The following SGIP1 variants were observed in gnomAD, a reference collection of about 807,000 sequenced individuals.
The protein encoded by SGIP1 is SH3GL interacting endocytic adaptor 1.
In SGIP1, 38 loss-of-function variants were observed where a neutral mutation model predicts 107.5. That is an observed-to-expected ratio of 0.35 (90% CI 0.27 to 0.46). The LOEUF is 0.46. Among genes scored for constraint, SGIP1 ranks in the 20% least tolerant of loss-of-function variants. The pLI is 1.00. For missense variants in SGIP1, 929 were observed against 1,019.5 expected (o/e 0.91, Z 1.21); for synonymous variants, 365 against 366.1 (o/e 1.00, Z 0.03).
intron 1 of SGIP1, among the ~76,000 whole-genome samples, chr1:66,612,594 T>C (rs2068264030): frequency 6.6e-6 from 1 of 152,260 alleles, no homozygotes; most frequent in South Asian, 2.1e-4. Flanking sequence ...ATATTAATTT[T>C]TGCTTGGGTA....
At chr1:66,679,805 C>G (rs1196533891) in intron 14 of SGIP1, 53 bp downstream of exon 14, 4 of 1,464,650 alleles carry the variant, frequency 2.7e-6, no homozygotes, top group Non-Finnish European at 3.7e-6. Context: ...GAGCAGTGGC[C>G]CCGGATGAAC....
At chr1:66,733,961 T>C in intron 21 of SGIP1, 81 bp downstream of exon 21, 2 of 1,405,090 alleles carry the variant, frequency 1.4e-6, no homozygotes, top group Non-Finnish European at 1.9e-6. Flanking sequence ...TAAAAGTAAC[T>C]AAAGTAACAC....
intron 1 of SGIP1, among the ~76,000 whole-genome samples, chr1:66,591,273 C>T (rs2063575186): frequency 6.6e-6 from 1 of 152,146 alleles, no homozygotes; most frequent in Admixed American, 6.5e-5. Flanking sequence ...CAATTGTTAA[C>T]AATAAAATTT....
At chr1:66,549,254 T>A (rs1557850681) in intron 1 of SGIP1, among the ~76,000 whole-genome samples, 2 of 152,054 alleles carry the variant, frequency 1.3e-5, no homozygotes, top group Non-Finnish European at 2.9e-5. Context: ...TTTTCCTTTT[T>A]AAGCTATCAC....
Position 66,744,847 on chromosome 1 carries a change from C to T in SGIP1, c.*1752C>T, listed in dbSNP as rs1190804844. Reference sequence around the variant, plus strand: ...AGTCTGGTGTTGAAGTTTCTTTGAACGAACTAAATATACTCATTTTATGTA... The same window carrying T: ...AGTCTGGTGTTGAAGTTTCTTTGAATGAACTAAATATACTCATTTTATGTA... On this transcript the variant is annotated 3_prime_UTR_variant, in exon 25 of 25. Transcript: ENST00000371037. The T allele has an allele frequency of 2.0e-5, 3 of 152,290 alleles. No homozygotes were observed. Among genetic ancestry groups the T allele is most frequent in the Non-Finnish European group, 2.9e-5 (2 of 67,874 alleles). 9.4% of individuals were successfully genotyped at this position (152,290 alleles called of 1,614,324 possible). A position where few individuals can be genotyped will look rare whatever the true frequency, so the allele number is the denominator to read the frequency against.
At chr1:66,545,628 T>TTGTGTGTGTGTGTGTGTG (rs769603266) in intron 1 of SGIP1, among the ~76,000 whole-genome samples, 51 of 139,038 alleles carry the variant, frequency 3.7e-4, no homozygotes, top group East Asian at 6.7e-4. Context: ...ACTGAACAAA[T>TTGTGTGTGTGTGTGTGTG]TGTGTGTGTG....
Position 66,743,227 on chromosome 1 carries a change from C to A in SGIP1, c.*132C>A, listed in dbSNP as rs1206900963. Reference sequence around the variant, plus strand: ...GATATATCAGGTGGAAAGTCAATGACTTTCATCTGTGATTTCCCTCACACA... The same window carrying A: ...GATATATCAGGTGGAAAGTCAATGAATTTCATCTGTGATTTCCCTCACACA... On this transcript the variant is annotated 3_prime_UTR_variant, in exon 25 of 25. Coordinates refer to ENST00000371037, the MANE Select transcript of SGIP1 (RefSeq NM_032291.4). 1.2e-6 allele frequency: 1 copy of A among 831,440 alleles called. No individual in the cohort carries two copies. The highest frequency in any genetic ancestry group is 1.7e-5 in the African/African-American group (1 of 59,108). The allele number at this position is 831,440 out of a possible 1,614,324, so 51.5% of individuals were successfully genotyped here.
chr1:66,720,550 G>A (rs1457820074), intron 19 of SGIP1, among the ~76,000 whole-genome samples: 3 of 152,076 alleles, frequency 2.0e-5, no homozygotes, highest in Admixed American at 1.3e-4. Context: ...AACATAGGGA[G>A]AGCCTGCCTC....
chr1:66,570,684 A>G (rs1315458588), intron 1 of SGIP1, among the ~76,000 whole-genome samples: 2 of 151,962 alleles, frequency 1.3e-5, no homozygotes, highest in African/African-American at 2.4e-5. Context: ...CTAAGGATTT[A>G]GTATTGAGCA....
At position 66,746,073 on chromosome 1, in the gene SGIP1, G is replaced by A. The variant is rs2094548763; in HGVS notation, c.*2978G>A. On this transcript the variant is annotated 3_prime_UTR_variant, in exon 25 of 25. Coordinates refer to ENST00000371037, the MANE Select transcript of SGIP1 (RefSeq NM_032291.4). Reference sequence around the variant, plus strand: ...ATAGGAATCCCTCAGTCAAACTACAGAATTTTTTTTGTTTTATATATTCTT... The same window carrying A: ...ATAGGAATCCCTCAGTCAAACTACAAAATTTTTTTTGTTTTATATATTCTT... The A allele has an allele frequency of 6.6e-6, 1 of 152,090 alleles. No homozygotes were observed. Among genetic ancestry groups the A allele is most frequent in the South Asian group, 2.1e-4 (1 of 4,834 alleles). 9.4% of individuals were successfully genotyped at this position (152,090 alleles called of 1,614,324 possible).
intron 2 of SGIP1, among the ~76,000 whole-genome samples, chr1:66,629,988 G>T (rs2073895895): frequency 6.6e-6 from 1 of 152,142 alleles, no homozygotes; most frequent in African/African-American, 2.4e-5. Context: ...GAAACAAAGG[G>T]GTGAAGTAAC....
At chr1:66,558,718 C>T (rs907559821) in intron 1 of SGIP1, among the ~76,000 whole-genome samples, 2 of 151,384 alleles carry the variant, frequency 1.3e-5, no homozygotes, top group Non-Finnish European at 2.9e-5. Context: ...GTTAGCTTAG[C>T]CTTCAGTTTG....
intron 14 of SGIP1, 85 bp downstream of exon 14, chr1:66,679,837 CTG>C: frequency 8.3e-7 from 1 of 1,211,070 alleles, no homozygotes; most frequent in Non-Finnish European, 1.1e-6. Flanking sequence ...GTGTTGAAAA[CTG>C]TAGGCTACAC....
At position 66,553,427 on chromosome 1, in the gene SGIP1, G is replaced by A. The variant is rs982977272; in HGVS notation, c.10+19059G>A. Among the ~76,000 whole-genome samples the A allele has an allele frequency of 4.6e-5, 7 of 151,974 alleles. No homozygotes were observed. The South Asian group carries it at 6.2e-4, about 14-fold the overall frequency. ...GTGGTAGTTCACACCTATAATCCCA[G>A]CACTTTGGGAGGCCAAGGTGGGTGG... is the stretch of plus-strand genomic sequence containing the variant. On this transcript the variant is annotated intron_variant, in intron 1 of 24. Transcript: ENST00000371037.
At position 66,745,842 on chromosome 1, in the gene SGIP1, T is replaced by A. The variant is rs1419630634; in HGVS notation, c.*2747T>A. On this transcript the variant is annotated 3_prime_UTR_variant, in exon 25 of 25. Transcript: ENST00000371037. The stretch of plus-strand genomic sequence containing the variant: ...AAAATCCATATTTTCGTGAAATTTT[T>A]AAAAATAAATTTGTATCAAGGATTA... 1.3e-5 allele frequency: 2 copies of A among 152,116 alleles called. No individual in the cohort carries two copies. The highest frequency in any genetic ancestry group is 2.4e-5 in the African/African-American group (1 of 41,456). 9.4% of individuals were successfully genotyped at this position (152,116 alleles called of 1,614,324 possible). A position where few individuals can be genotyped will look rare whatever the true frequency, so the allele number is the denominator to read the frequency against.
chr1:66,734,163 A>G (rs2094133431), intron 21 of SGIP1, among the ~76,000 whole-genome samples: 1 of 152,292 alleles, frequency 6.6e-6, no homozygotes, highest in African/African-American at 2.4e-5. Flanking sequence ...ACTAATTAAG[A>G]TTATAAGTTT....
intron 7 of SGIP1, among the ~76,000 whole-genome samples, chr1:66,658,981 G>A (rs540675740): frequency 2.2e-4 from 33 of 152,226 alleles, no homozygotes; most frequent in African/African-American, 7.0e-4. Context: ...GTAAGTGCAC[G>A]GCACATCCAA....
intron 18 of SGIP1, among the ~76,000 whole-genome samples, chr1:66,696,161 A>G (rs1395938077): frequency 1.3e-5 from 2 of 152,176 alleles, no homozygotes; most frequent in African/African-American, 2.4e-5. Context: ...TCATTCTTTG[A>G]TCATTTGTTA....
intron 5 of SGIP1, 152 bp downstream of exon 5, chr1:66,639,985 GAGT>G: frequency 5.0e-6 from 3 of 598,984 alleles, no homozygotes; most frequent in Non-Finnish European, 8.8e-6. Flanking sequence ...AAGAACAATA[GAGT>G]CTGTCAGAAC....
Sources: gnomAD v4.1 joint callset for allele counts (sites outside exome capture counted in the v4.1 genomes callset) on GRCh38, gnomAD v4.1.1 for gene constraint, MANE v1.5 for transcripts, NCBI Gene and HGNC (gene_info 2026-07-23, HGNC 2026-07-21) for gene names.